DPP6: variants seen among roughly 807,000 people sequenced by gnomAD.
DPP6 encodes dipeptidyl peptidase like 6, also known as A-type potassium channel modulatory protein DPP6.
A neutral mutation model predicts 122.6 loss-of-function variants in DPP6; 69 were observed. The observed-to-expected ratio is 0.56, with a 90% CI of 0.46 to 0.69. The LOEUF (loss-of-function observed/expected upper bound fraction) is 0.69, where lower values mean the gene tolerates loss of function less well. Ranked by LOEUF, DPP6 falls within the 30% of genes least tolerant of loss-of-function variation. The pLI, the probability that DPP6 is intolerant of heterozygous loss-of-function variation, is 0.00. For synonymous variants in DPP6, 418 were observed against 433.1 expected, an observed-to-expected ratio of 0.97 and a Z score of 0.43; for missense variants, 928 against 1,116.9, an observed-to-expected ratio of 0.83 and a Z score of 2.41.
Position 154,241,185 on chromosome 7 carries a change from A to ATGCGTGTGTGTGTGTGTGTGTGTGTG in DPP6, c.243+188124_243+188125insCGTGTGTGTGTGTGTGTGTGTGTGTG, listed in dbSNP as rs34454400. On this transcript the variant is annotated intron_variant, in intron 1 of 25. Transcript: ENST00000377770. The surrounding 1 kb of genome is among the most constrained non-coding windows in gnomAD (Gnocchi z 9.0). ...GCACAGTAGGTAATTCAATATCAAT[A>ATGCGTGTGTGTGTGTGTGTGTGTGTG]TGTGTGTGTGTGTGTGTGTGTGTGT... Among the ~76,000 whole-genome samples, 1 of 136,212 alleles carries ATGCGTGTGTGTGTGTGTGTGTGTGTG rather than the reference A, an allele frequency of 7.3e-6. No homozygotes were observed. Among genetic ancestry groups the ATGCGTGTGTGTGTGTGTGTGTGTGTG allele is most frequent in the Non-Finnish European group, 1.6e-5 (1 of 64,002 alleles). The allele number at this position is 136,212 out of a possible 152,430, so 89.4% of individuals were successfully genotyped here.
At chr7:153,816,657 G>A in the DPP6 span, among the ~76,000 whole-genome samples, 3 of 152,134 alleles carry the variant, frequency 2.0e-5, no homozygotes, top group African/African-American at 7.2e-5. Context: ...CCAAGATTTT[G>A]ACAAATTTCT....
At chr7:153,864,231 C>A in the DPP6 span, among the ~76,000 whole-genome samples, 1 of 152,170 alleles carries the variant, frequency 6.6e-6, no homozygotes, top group Non-Finnish European at 1.5e-5. Flanking sequence ...TCTCCACATC[C>A]TTTGCATCAC....
rs1032956984 is a variant in DPP6, at chr7:154,833,088, G to A, written c.1667-20692G>A. On this transcript the variant is annotated intron_variant, in intron 16 of 25. Coordinates refer to ENST00000377770, the MANE Select transcript of DPP6 (RefSeq NM_130797.4). This position sits in a 1 kb window ranked among gnomAD's most constrained non-coding sequence, Gnocchi z 4.3. ...AATCCCATTGGGAAACCAGTCAAGGGACCCAAGCTTGGGGAAGGGACTAGC... is the reference window on the plus strand; with the variant it reads ...AATCCCATTGGGAAACCAGTCAAGGAACCCAAGCTTGGGGAAGGGACTAGC... Among the ~76,000 whole-genome samples, 1 of 152,212 alleles carries A rather than the reference G, an allele frequency of 6.6e-6. No homozygotes were observed. The highest frequency in any genetic ancestry group is 6.5e-5 in the Admixed American group (1 of 15,284).
chr7:154,883,136 CAT>C (rs1180332641), intron 21 of DPP6, among the ~76,000 whole-genome samples: 9 of 150,988 alleles, frequency 6.0e-5, no homozygotes, highest in East Asian at 2.0e-4. Context: ...CATACACACA[CAT>C]GCTCACCCAT....
chr7:154,295,382 G>A (rs373943221), intron 1 of DPP6, among the ~76,000 whole-genome samples: 5 of 152,114 alleles, frequency 3.3e-5, no homozygotes, highest in East Asian at 1.9e-4. Flanking sequence ...TGTGACCTTC[G>A]ACAACTTATC....
chr7:154,531,227 C>T (rs767833388), intron 3 of DPP6, among the ~76,000 whole-genome samples: 1 of 152,092 alleles, frequency 6.6e-6, no homozygotes, highest in African/African-American at 2.4e-5. Context: ...AATAAAAGCA[C>T]ATAACAGTCA....
chr7:154,767,937 G>T (rs545820851), intron 8 of DPP6, among the ~76,000 whole-genome samples: 1 of 152,194 alleles, frequency 6.6e-6, no homozygotes, highest in African/African-American at 2.4e-5. Context: ...GAAGACTCAC[G>T]TGACAGGGGA....
At chr7:153,920,656 G>A (rs1411928490) in intron 1 of DPP6, among the ~76,000 whole-genome samples, 1 of 133,760 alleles carries the variant, frequency 7.5e-6, no homozygotes, top group Non-Finnish European at 1.5e-5. Flanking sequence ...CGCCTCCTGG[G>A]TTCAAGCTGT....
At chr7:153,831,685 T>A in the DPP6 span, among the ~76,000 whole-genome samples, 1 of 152,234 alleles carries the variant, frequency 6.6e-6, no homozygotes. Context: ...CACAAAATAA[T>A]GTTTTTTTAA....
intron 1 of DPP6, among the ~76,000 whole-genome samples, chr7:154,317,263 G>T (rs1227768543): frequency 5.3e-5 from 8 of 152,124 alleles, no homozygotes; most frequent in Non-Finnish European, 1.0e-4. Context: ...TTGGGAGGCT[G>T]AGGCGGGCGG....
chr7:154,289,039 C>T (rs377453270), intron 1 of DPP6, among the ~76,000 whole-genome samples: 8 of 152,194 alleles, frequency 5.3e-5, no homozygotes, highest in South Asian at 2.1e-4. Flanking sequence ...TTGAAAAGGA[C>T]GGCTTGCAGA....
chr7:154,740,750 G>T (rs895534151), intron 8 of DPP6, among the ~76,000 whole-genome samples: 2 of 152,148 alleles, frequency 1.3e-5, no homozygotes, highest in African/African-American at 4.8e-5. Flanking sequence ...GGCTGGGCAC[G>T]TGGGTATCTC....
At chr7:154,257,863 G>A (rs80240980) in intron 1 of DPP6, among the ~76,000 whole-genome samples, 10,478 of 152,156 alleles carry the variant, frequency 0.069, 431 homozygotes, top group Middle Eastern at 0.12. Context: ...TAAATGGCAC[G>A]GCCACATGAC....
At chr7:154,687,910 C>A (rs1157369570) in intron 7 of DPP6, among the ~76,000 whole-genome samples, 1 of 152,190 alleles carries the variant, frequency 6.6e-6, no homozygotes, top group Non-Finnish European at 1.5e-5. Flanking sequence ...TGTCCCAGAA[C>A]AATTTATTGA....
intron 21 of DPP6, among the ~76,000 whole-genome samples, chr7:154,882,838 C>T (rs541658393): frequency 3.9e-5 from 6 of 152,312 alleles, no homozygotes; most frequent in Non-Finnish European, 7.4e-5. Context: ...AATCTTCTTT[C>T]ATTGTCATTA....
intron 1 of DPP6, among the ~76,000 whole-genome samples, chr7:154,117,312 A>G (rs1807061125): frequency 6.6e-6 from 1 of 152,240 alleles, no homozygotes; most frequent in Non-Finnish European, 1.5e-5. Flanking sequence ...CTGAGCAAAT[A>G]TGATTTTATA....
intron 1 of DPP6, among the ~76,000 whole-genome samples, chr7:154,077,051 A>C (rs1214614698): frequency 6.6e-6 from 1 of 152,206 alleles, no homozygotes; most frequent in African/African-American, 2.4e-5. Context: ...AACACTATAA[A>C]ATGTTTTAAA....
rs1585234821 is a variant in DPP6 at position 154,052,690 on chromosome 7, C to T, written c.-131C>T. ...GGCCGCCGGCGCTGGGCTTGCCTTG[C>T]TGCTGCTGCTGCTGCTGCCTCCCCA... On this transcript the variant is annotated 5_prime_UTR_variant, in exon 1 of 26. Coordinates refer to ENST00000377770, the MANE Select transcript of DPP6 (RefSeq NM_130797.4). The surrounding 1 kb of genome is among the most constrained non-coding windows in gnomAD (Gnocchi z 4.8). 6.8e-6 allele frequency: 2 copies of T among 293,194 alleles called. No homozygotes were observed. Among genetic ancestry groups the T allele is most frequent in the South Asian group, 1.7e-4 (2 of 12,062 alleles). 18.2% of individuals were successfully genotyped at this position (293,194 alleles called of 1,614,324 possible).
chr7:154,602,217 C>A lies in DPP6; in HGVS notation c.627+35301C>A, dbSNP rs567236996. 3.6e-4 allele frequency among the ~76,000 whole-genome samples: 43 copies of A among 120,442 alleles called. 8 individuals are homozygous for A. Among genetic ancestry groups the A allele is most frequent in the African/African-American group, 1.1e-3 (40 of 37,886 alleles). 79.0% of individuals were successfully genotyped at this position (120,442 alleles called of 152,430 possible). On this transcript the variant is annotated intron_variant, in intron 5 of 25. Transcript: ENST00000377770. ...TCACAGTTTATCTTTGATTGATGGA[C>A]CACTTTTGGTATATCGTGTAAAAGC...
Sources: allele counts gnomAD v4.1 joint callset (sites outside exome capture counted in the v4.1 genomes callset), GRCh38; gene constraint gnomAD v4.1.1; non-coding constraint Gnocchi (gnomAD v3.1); transcripts MANE v1.5; gene names NCBI Gene and HGNC (gene_info 2026-07-23, HGNC 2026-07-21).